The following MEX3A variants were observed in gnomAD, a reference collection of about 807,000 sequenced individuals.
MEX3A encodes the protein RNA-binding protein MEX3A.
In MEX3A, 4 loss-of-function variants were observed where a neutral mutation model predicts 30.0. The observed-to-expected ratio is 0.13, with a 90% confidence interval of 0.07 to 0.30. The LOEUF is 0.30. Among genes scored for constraint, MEX3A ranks in the 10% least tolerant of loss-of-function variants. The pLI, the probability that MEX3A is intolerant of heterozygous loss-of-function variation, is 1.00. For missense variants in MEX3A, 555 were observed against 736.7 expected (o/e 0.75, Z 2.86); for synonymous variants, 335 against 327.6 (o/e 1.02, Z -0.24).
At position 156,076,230 on chromosome 1, in the gene MEX3A, G is replaced by A. The variant is rs559199955; in HGVS notation, c.*344C>T. On this transcript the variant is annotated 3_prime_UTR_variant, in exon 2 of 2. Coordinates refer to ENST00000532414, the MANE Select transcript of MEX3A (RefSeq NM_001093725.2). The surrounding 1 kb of genome is among the most constrained non-coding windows in gnomAD (Gnocchi z 6.0). Reference sequence around the variant, plus strand: ...AAGAAGGGGTGGAGTGACACACAGCGGGGGAGGTGGGCAGAGGGCGTCAGA... The same window carrying A: ...AAGAAGGGGTGGAGTGACACACAGCAGGGGAGGTGGGCAGAGGGCGTCAGA... 39 of 219,446 alleles carry A rather than the reference G, an allele frequency of 1.8e-4. No individual in the cohort carries two copies. The highest frequency in any genetic ancestry group is 1.1e-4 in the East Asian group (1 of 9,466). 13.6% of individuals were successfully genotyped at this position (219,446 alleles called of 1,614,324 possible). A position where few individuals can be genotyped will look rare whatever the true frequency, so the allele number is the denominator to read the frequency against.
Position 156,076,866 on chromosome 1 carries a change from C to T in MEX3A, c.1271G>A (p.Gly424Asp). ...SSAKARAGPP[G>D]AHRSPATSAG... ...GGAAGTGGCAGGGGAGCGGTGTGCG[C>T]CCGGGGGCCCAGCGCGGGCCTTGGC... Residue 424 changes from glycine to aspartate, a missense_variant, in exon 2 of 2, where the codon GGC (glycine) becomes GAC (aspartate). Gly to Asp is a moderately conservative substitution (Grantham distance 94). Transcript: ENST00000532414. The surrounding 1 kb of genome is among the most constrained non-coding windows in gnomAD (Gnocchi z 6.0). 2 of 1,537,020 alleles carry T rather than the reference C, an allele frequency of 1.3e-6. No individual in the cohort carries two copies. The highest frequency in any genetic ancestry group is 1.8e-6 in the Non-Finnish European group (2 of 1,141,230).
chr1:156,077,024 C>A lies in MEX3A; in HGVS notation c.1113G>T (p.Pro371=). ...GDFGYGGYLF[P]GYGVGKQDVY... ...CATCCTGCTTGCCCACGCCATAGCC[C>A]GGAAAGAGGTACCCGCCGTAGCCAA... Residue 371 remains proline (P), a synonymous_variant, in exon 2 of 2, where the codon CCG becomes CCT. Coordinates refer to ENST00000532414, the MANE Select transcript of MEX3A (RefSeq NM_001093725.2). This position sits in a 1 kb window ranked among gnomAD's most constrained non-coding sequence, Gnocchi z 8.3. The A allele has an allele frequency of 6.2e-7, 1 of 1,613,532 alleles. No individual in the cohort carries two copies. Among genetic ancestry groups the A allele is most frequent in the Non-Finnish European group, 8.5e-7 (1 of 1,179,790 alleles).
Position 156,077,021 on chromosome 1 carries a change from G to T in MEX3A, c.1116C>A (p.Gly372=), listed in dbSNP as rs1648095672. Residue 372 remains glycine (G), a synonymous_variant, in exon 2 of 2, where the codon GGC becomes GGA. Coordinates refer to ENST00000532414, the MANE Select transcript of MEX3A (RefSeq NM_001093725.2). The surrounding 1 kb of genome is among the most constrained non-coding windows in gnomAD (Gnocchi z 8.3). ...DFGYGGYLFP[G]YGVGKQDVYY... is the part of the protein sequence containing the mutation. ...ACACATCCTGCTTGCCCACGCCATA[G>T]CCCGGAAAGAGGTACCCGCCGTAGC... 1 of 1,613,504 alleles carries T rather than the reference G, an allele frequency of 6.2e-7. No homozygotes were observed. Among genetic ancestry groups the T allele is most frequent in the African/African-American group, 1.3e-5 (1 of 74,932 alleles).
rs765505605 is a variant in MEX3A, at chr1:156,081,588, G to C, written c.411C>G (p.Pro137=). The change falls in exon 1 of 2, where the codon CCC becomes CCG. Residue 137 remains proline (P), a synonymous_variant. Coordinates refer to ENST00000532414, the MANE Select transcript of MEX3A (RefSeq NM_001093725.2). Reference sequence around the variant, plus strand: ...CGGCCACGTGCTCGGAGGTGGGCACGGGAACACACTCCGTGGTGTTGCTGC... The same window carrying C: ...CGGCCACGTGCTCGGAGGTGGGCACCGGAACACACTCCGTGGTGTTGCTGC... ...KGSSNTTECV[P]VPTSEHVAEI... 7.5e-6 allele frequency: 12 copies of C among 1,594,358 alleles called. No homozygotes were observed. Among genetic ancestry groups the C allele is most frequent in the African/African-American group, 2.7e-5 (2 of 74,536 alleles).
At chr1:156,080,733 C>T (rs1173436909) in intron 1 of MEX3A, among the ~76,000 whole-genome samples, 2 of 151,798 alleles carry the variant, frequency 1.3e-5, no homozygotes, top group African/African-American at 4.8e-5. Flanking sequence ...CCCAGACACA[C>T]GCCCTCCACC....
At chr1:156,080,172 T>C (rs1300894437) in intron 1 of MEX3A, among the ~76,000 whole-genome samples, 1 of 151,974 alleles carries the variant, frequency 6.6e-6, no homozygotes, top group Non-Finnish European at 1.5e-5. Context: ...CAAGAAAAGA[T>C]AGCAATGTCC....
In MEX3A at chr1:156,077,297, C is replaced by G. The variant is rs368560209; in HGVS notation, c.840G>C (p.Ala280=). 2 of 1,613,958 alleles carry G rather than the reference C, an allele frequency of 1.2e-6. No homozygotes were observed. The highest frequency in any genetic ancestry group is 1.7e-6 in the Non-Finnish European group (2 of 1,179,864). The change falls in exon 2 of 2, where the codon GCG becomes GCC. Residue 280 remains alanine (A), a synonymous_variant. Coordinates refer to ENST00000532414, the MANE Select transcript of MEX3A (RefSeq NM_001093725.2). The surrounding 1 kb of genome is among the most constrained non-coding windows in gnomAD (Gnocchi z 8.3). The part of the protein sequence containing the change: ...ITGAPGNVER[A]REEIETHIAV... ...CGATGTGCGTCTCGATCTCCTCGCG[C>G]GCACGCTCCACGTTGCCTGGGGCAC... is the stretch of plus-strand genomic sequence containing the variant.
rs772786753 is a variant in MEX3A at position 156,081,829 on chromosome 1, G to A, written c.170C>T (p.Thr57Met). ...LLGLGEPPAP[T>M]AGEDGGGGGG... is the part of the protein sequence containing the mutation. ...CCCACCTCCCCCGTCCTCGCCCGCC[G>A]TGGGGGCGGGGGGCTCCCCCAAACC... Residue 57 changes from threonine (T) to methionine (M), a missense_variant, in exon 1 of 2, where the codon ACG (threonine) becomes ATG (methionine). By Grantham distance (81) the Thr-to-Met change is moderately conservative (BLOSUM62 -1). This residue lies in a region of MEX3A where 159 missense variants were observed against 159.9 expected (regional missense o/e 0.99). Coordinates refer to ENST00000532414, the MANE Select transcript of MEX3A (RefSeq NM_001093725.2). 3 of 1,259,494 alleles carry A rather than the reference G, an allele frequency of 2.4e-6. No homozygotes were observed. Among genetic ancestry groups the A allele is most frequent in the East Asian group, 8.3e-5 (2 of 24,160 alleles). 78.0% of individuals were successfully genotyped at this position (1,259,494 alleles called of 1,614,324 possible).
chr1:156,079,896 G>A (rs1296368666), intron 1 of MEX3A, among the ~76,000 whole-genome samples: 1 of 152,112 alleles, frequency 6.6e-6, no homozygotes, highest in Non-Finnish European at 1.5e-5. Context: ...CCTGGGTTCT[G>A]CAACCCCAAA....
Position 156,076,558 on chromosome 1 carries a change from G to A in MEX3A, c.*16C>T. On this transcript the variant is annotated 3_prime_UTR_variant, in exon 2 of 2. Coordinates refer to ENST00000532414, the MANE Select transcript of MEX3A (RefSeq NM_001093725.2). The surrounding 1 kb of genome is among the most constrained non-coding windows in gnomAD (Gnocchi z 6.0). Reference sequence around the variant, plus strand: ...GGGCCCAGTGGAGTGGGCCCCGGAGGCATGGGGCACGGGGCTTAGGAGAAT... The same window carrying A: ...GGGCCCAGTGGAGTGGGCCCCGGAGACATGGGGCACGGGGCTTAGGAGAAT... The A allele has an allele frequency of 6.3e-7, 1 of 1,598,626 alleles. No individual in the cohort carries two copies. The highest frequency in any genetic ancestry group is 8.6e-7 in the Non-Finnish European group (1 of 1,169,512).
In MEX3A at chr1:156,074,660, C is replaced by T. The variant is rs1195798027; in HGVS notation, c.*1914G>A. On this transcript the variant is annotated 3_prime_UTR_variant, in exon 2 of 2. Transcript: ENST00000532414. ...AGACAGACATCCCTTCTTCCCACCC[C>T]CCTCCCCACCTGCCCCCCGGCAACC... The T allele has an allele frequency of 6.7e-6, 1 of 150,062 alleles. No homozygotes were observed. The highest frequency in any genetic ancestry group is 1.5e-5 in the Non-Finnish European group (1 of 67,248). The allele number at this position is 150,062 out of a possible 1,614,324, so 9.3% of individuals were successfully genotyped here.
Position 156,072,413 on chromosome 1 carries a change from G to A in MEX3A, c.*4161C>T, listed in dbSNP as rs1647934387. 1 of 152,574 alleles carries A rather than the reference G, an allele frequency of 6.6e-6. No homozygotes were observed. The highest frequency in any genetic ancestry group is 2.4e-5 in the African/African-American group (1 of 41,416). The allele number at this position is 152,574 out of a possible 1,614,324, so 9.5% of individuals were successfully genotyped here. A position where few individuals can be genotyped will look rare whatever the true frequency, so the allele number is the denominator to read the frequency against. ...AAGAGCAGGGGGAATCTGTCCCTAG[G>A]TGGGGCGAGAAGAGTAAATTGGGTA... is the stretch of plus-strand genomic sequence containing the variant. On this transcript the variant is annotated 3_prime_UTR_variant, in exon 2 of 2. Transcript: ENST00000532414.
At position 156,082,017 on chromosome 1, in the gene MEX3A, G is replaced by C; in HGVS notation, c.-19C>G. The stretch of plus-strand genomic sequence containing the variant: ...TAGGCATGGCGAAACAAAAGCTGGG[G>C]GAGAGAGAGAGGGAGAGAGAGAGAG... On this transcript the variant is annotated 5_prime_UTR_variant, in exon 1 of 2. Transcript: ENST00000532414. 7.0e-7 allele frequency: 1 copy of C among 1,430,076 alleles called. No homozygotes were observed. Among genetic ancestry groups the C allele is most frequent in the Non-Finnish European group, 9.3e-7 (1 of 1,074,456 alleles). 88.6% of individuals were successfully genotyped at this position (1,430,076 alleles called of 1,614,324 possible). A position where few individuals can be genotyped will look rare whatever the true frequency, so the allele number is the denominator to read the frequency against.
intron 1 of MEX3A, among the ~76,000 whole-genome samples, 177 bp downstream of exon 1, chr1:156,081,368 G>C (rs978821185): frequency 6.6e-6 from 1 of 152,224 alleles, no homozygotes; most frequent in Non-Finnish European, 1.5e-5. Context: ...GAACCGTCCC[G>C]ACTAGGGGTA....
chr1:156,076,872 G>C lies in MEX3A; in HGVS notation c.1265C>G (p.Pro422Arg), dbSNP rs1453632285. 1 of 1,538,586 alleles carries C rather than the reference G, an allele frequency of 6.5e-7. No individual in the cohort carries two copies. The highest frequency in any genetic ancestry group is 2.0e-5 in the Admixed American group (1 of 50,262). ...GGCAGGGGAGCGGTGTGCGCCCGGG[G>C]GCCCAGCGCGGGCCTTGGCGGAAGA... is the stretch of plus-strand genomic sequence containing the variant. Reference protein sequence around the residue: ...SSSSAKARAGPPGAHRSPATS... With the variant: ...SSSSAKARAGRPGAHRSPATS... Residue 422 changes from proline to arginine, a missense_variant, in exon 2 of 2, where the codon CCC (proline) becomes CGC (arginine). Pro to Arg is a moderately radical substitution (Grantham distance 103). This residue lies in a region of MEX3A where 281 missense variants were observed against 265.1 expected (regional missense o/e 1.06). Coordinates refer to ENST00000532414, the MANE Select transcript of MEX3A (RefSeq NM_001093725.2). The surrounding 1 kb of genome is among the most constrained non-coding windows in gnomAD (Gnocchi z 6.0).
chr1:156,079,693 C>T (rs1648166415), intron 1 of MEX3A, among the ~76,000 whole-genome samples: 1 of 152,144 alleles, frequency 6.6e-6, no homozygotes, highest in African/African-American at 2.4e-5. Flanking sequence ...CAGTGAACTC[C>T]CCTCTCCTAC....
chr1:156,076,875 C>G lies in MEX3A; in HGVS notation c.1262G>C (p.Gly421Ala). Residue 421 changes from glycine to alanine, a missense_variant, in exon 2 of 2, where the codon GGG becomes GCG. Transcript: ENST00000532414. This position sits in a 1 kb window ranked among gnomAD's most constrained non-coding sequence, Gnocchi z 6.0. ...AGGGGAGCGGTGTGCGCCCGGGGGC[C>G]CAGCGCGGGCCTTGGCGGAAGAGGA... The part of the protein sequence containing the change: ...SSSSSAKARA[G>A]PPGAHRSPAT... 3 of 1,538,490 alleles carry G rather than the reference C, an allele frequency of 1.9e-6. No homozygotes were observed. The highest frequency in any genetic ancestry group is 2.4e-5 in the East Asian group (1 of 41,032).
rs1274562396 is a variant in MEX3A, at chr1:156,072,441, G to A, written c.*4133C>T. On this transcript the variant is annotated 3_prime_UTR_variant, in exon 2 of 2. Transcript: ENST00000532414. ...GGGCGAGAAGAGTAAATTGGGTAGA[G>A]GGAGATGTGTTTGGGGTCTAGGGCC... is the stretch of plus-strand genomic sequence containing the variant. 1 of 152,666 alleles carries A rather than the reference G, an allele frequency of 6.6e-6. No homozygotes were observed. The highest frequency in any genetic ancestry group is 1.9e-4 in the East Asian group (1 of 5,324). 9.5% of individuals were successfully genotyped at this position (152,666 alleles called of 1,614,324 possible).
Position 156,073,501 on chromosome 1 carries a change from C to T in MEX3A, c.*3073G>A, listed in dbSNP as rs1647971249. The T allele has an allele frequency of 1.3e-5, 2 of 152,732 alleles. No homozygotes were observed. Among genetic ancestry groups the T allele is most frequent in the South Asian group, 4.1e-4 (2 of 4,834 alleles). The allele number at this position is 152,732 out of a possible 1,614,324, so 9.5% of individuals were successfully genotyped here. On this transcript the variant is annotated 3_prime_UTR_variant, in exon 2 of 2. Transcript: ENST00000532414. ...GGGTGGACTCAGCCACTTCCCTCCT[C>T]TATTTATCTTTTCCTTACAACTTTT...
Sources: gnomAD v4.1 joint callset for allele counts (sites outside exome capture counted in the v4.1 genomes callset) on GRCh38, gnomAD v4.1.1 for gene constraint, gnomAD v4.1.1 regional missense constraint, Gnocchi (gnomAD v3.1) non-coding constraint, MANE v1.5 for transcripts, NCBI Gene and HGNC (gene_info 2026-07-23, HGNC 2026-07-21) for gene names.